HSD17B11: variants seen among roughly 807,000 people sequenced by gnomAD.
The protein encoded by HSD17B11 is hydroxysteroid 17-beta dehydrogenase 11, also known as estradiol 17-beta-dehydrogenase 11.
In HSD17B11, 22 loss-of-function variants were observed where a neutral mutation model predicts 27.8. The ratio of observed to expected loss-of-function variants is 0.79; its 90% CI spans 0.56 to 1.13. The LOEUF is 1.13. Ranked by LOEUF, HSD17B11 falls within the 50% of genes most tolerant of loss-of-function variation. HSD17B11 has a pLI of 0.00. For synonymous variants in HSD17B11, 117 were observed against 132.8 expected (o/e 0.88, Z 0.82); for missense variants, 314 against 351.1 (o/e 0.89, Z 0.84).
chr4:87,390,083 C>A (rs868016205), intron 1 of HSD17B11, among the ~76,000 whole-genome samples: 1 of 152,146 alleles, frequency 6.6e-6, no homozygotes, highest in African/African-American at 2.4e-5. Flanking sequence ...CTCAGCCTCC[C>A]GGAAAAGATG....
At chr4:87,384,948 G>C (rs1447642764) in intron 1 of HSD17B11, among the ~76,000 whole-genome samples, 2 of 152,020 alleles carry the variant, frequency 1.3e-5, no homozygotes, top group Non-Finnish European at 2.9e-5. Flanking sequence ...GTCACCCCCA[G>C]CGGCCCAGTT....
intron 1 of HSD17B11, among the ~76,000 whole-genome samples, chr4:87,387,813 T>G (rs949947066): frequency 5.9e-5 from 9 of 152,300 alleles, no homozygotes; most frequent in African/African-American, 2.2e-4. Flanking sequence ...TAATAAAAAC[T>G]CACTACATTG....
chr4:87,340,002 G>A (rs894072831), intron 6 of HSD17B11, among the ~76,000 whole-genome samples: 2 of 152,172 alleles, frequency 1.3e-5, no homozygotes, highest in African/African-American at 4.8e-5. Flanking sequence ...CAGGTAATGT[G>A]TGTAGTCCAA....
Position 87,370,975 on chromosome 4 carries a change from A to C in HSD17B11, c.557+1734T>G, listed in dbSNP as rs991818954. On this transcript the variant is annotated intron_variant, in intron 4 of 6. Transcript: ENST00000358290. Reference sequence around the variant, plus strand: ...CACCGTGTTAGCCAGGATGGTCTCGATCTCCTGACCTCGTGATCCGCCCGC... The same window carrying C: ...CACCGTGTTAGCCAGGATGGTCTCGCTCTCCTGACCTCGTGATCCGCCCGC... Among the ~76,000 whole-genome samples the C allele has an allele frequency of 1.6e-5, 2 of 127,926 alleles. 1 individual carries two copies. The highest frequency in any genetic ancestry group is 7.1e-5 in the African/African-American group (2 of 28,086). The allele number at this position is 127,926 out of a possible 152,430, so 83.9% of individuals were successfully genotyped here.
chr4:87,380,731 G>T (rs1260658648), intron 2 of HSD17B11, among the ~76,000 whole-genome samples: 1 of 150,036 alleles, frequency 6.7e-6, no homozygotes, highest in Non-Finnish European at 1.5e-5. Context: ...GGTGACGGGC[G>T]CCTGTAATCC....
chr4:87,380,810 A>G (rs1720136944), intron 2 of HSD17B11, among the ~76,000 whole-genome samples: 1 of 143,496 alleles, frequency 7.0e-6, no homozygotes, highest in South Asian at 2.3e-4. Context: ...GTGAGCCGAG[A>G]TCGCACCACT....
intron 4 of HSD17B11, among the ~76,000 whole-genome samples, 173 bp downstream of exon 4, chr4:87,372,536 T>C (rs938001703): frequency 2.0e-5 from 3 of 152,162 alleles, no homozygotes; most frequent in Non-Finnish European, 4.4e-5. Flanking sequence ...ATAATGCTGT[T>C]AGACAAGAGA....
intron 5 of HSD17B11, among the ~76,000 whole-genome samples, chr4:87,354,533 A>C (rs977065306): frequency 1.3e-5 from 2 of 151,698 alleles, no homozygotes; most frequent in Non-Finnish European, 2.9e-5. Flanking sequence ...GGTCCCAGGG[A>C]CTGGGGAGGC....
chr4:87,376,254 C>A (rs1264034176), intron 2 of HSD17B11, among the ~76,000 whole-genome samples: 1 of 151,990 alleles, frequency 6.6e-6, no homozygotes, highest in Admixed American at 6.6e-5. Context: ...GCCTCTAATC[C>A]CAGCATTTGG....
intron 2 of HSD17B11, among the ~76,000 whole-genome samples, chr4:87,376,099 T>C (rs751732112): frequency 1.3e-5 from 2 of 152,236 alleles, no homozygotes; most frequent in African/African-American, 2.4e-5. Flanking sequence ...GTACACACAG[T>C]AAACTGCTAT....
At chr4:87,345,977 G>A (rs1394823921) in intron 5 of HSD17B11, among the ~76,000 whole-genome samples, 1 of 152,158 alleles carries the variant, frequency 6.6e-6, no homozygotes, top group East Asian at 1.9e-4. Context: ...TAAAAACAGA[G>A]TAAGAGATCA....
intron 1 of HSD17B11, among the ~76,000 whole-genome samples, chr4:87,385,415 C>A (rs1305635411): frequency 6.6e-6 from 1 of 151,930 alleles, no homozygotes; most frequent in Non-Finnish European, 1.5e-5. Flanking sequence ...TTGCCAGGAC[C>A]TGGGGAGAGA....
intron 4 of HSD17B11, among the ~76,000 whole-genome samples, chr4:87,370,758 T>TA (rs761083914): frequency 0.23 from 18,205 of 78,704 alleles, 3,595 homozygotes; most frequent in East Asian, 0.44. Context: ...TATTATTATT[T>TA]TTTTTTTTTT....
At chr4:87,375,058 CTGGCTAATTTTT>C (rs1560767594) in intron 2 of HSD17B11, among the ~76,000 whole-genome samples, 13 of 152,098 alleles carry the variant, frequency 8.5e-5, no homozygotes, top group South Asian at 4.2e-4. Flanking sequence ...CACGCCACAC[CTGGCTAATTTTT>C]ATATTTTTAG....
intron 5 of HSD17B11, among the ~76,000 whole-genome samples, chr4:87,354,310 T>A (rs564927964): frequency 2.5e-4 from 38 of 151,806 alleles, no homozygotes; most frequent in South Asian, 1.5e-3. Flanking sequence ...ACTAAAAAAA[T>A]AATAATAATA....
At position 87,391,094 on chromosome 4, in the gene HSD17B11, G is replaced by T; in HGVS notation, c.-24C>A. On this transcript the variant is annotated 5_prime_UTR_variant, in exon 1 of 7. Coordinates refer to ENST00000358290, the MANE Select transcript of HSD17B11 (RefSeq NM_016245.5). ...ATCCCTTTTGTGGCTGCGAGCGTTT[G>T]GTGTGTTTTTTTTTTTTTTTACCAC... 2 of 1,526,490 alleles carry T rather than the reference G, an allele frequency of 1.3e-6. No homozygotes were observed. The highest frequency in any genetic ancestry group is 8.8e-7 in the Non-Finnish European group (1 of 1,137,982). 94.6% of individuals were successfully genotyped at this position (1,526,490 alleles called of 1,614,324 possible).
At chr4:87,368,682 G>A (rs549084397) in intron 4 of HSD17B11, among the ~76,000 whole-genome samples, 3 of 152,284 alleles carry the variant, frequency 2.0e-5, no homozygotes, top group East Asian at 3.9e-4. Context: ...ACAAAATACA[G>A]GTCATAAAGA....
At chr4:87,341,343 TG>T (rs1735163549) in intron 5 of HSD17B11, among the ~76,000 whole-genome samples, 1 of 152,132 alleles carries the variant, frequency 6.6e-6, no homozygotes, top group African/African-American at 2.4e-5. Flanking sequence ...GGCTATTTTT[TG>T]TATTTTTAGT....
rs73841140 is a variant in HSD17B11, at chr4:87,337,460, A to C, written c.813-94T>G. 12,994 of 717,476 alleles carry C rather than the reference A, an allele frequency of 0.018. 1,195 individuals are homozygous for C. In the African/African-American group the frequency reaches 0.21, roughly 11 times the overall value. 44.4% of individuals were successfully genotyped at this position (717,476 alleles called of 1,614,324 possible). Reference sequence around the variant, plus strand: ...GAAATACTTTTAAGTTATCATGTATAGTCATGTTCATGTTAAATAAGATTA... The same window carrying C: ...GAAATACTTTTAAGTTATCATGTATCGTCATGTTCATGTTAAATAAGATTA... On this transcript the variant is annotated intron_variant, in intron 6 of 6. Transcript: ENST00000358290.
Sources: allele counts gnomAD v4.1 joint callset (sites outside exome capture counted in the v4.1 genomes callset), GRCh38; gene constraint gnomAD v4.1.1; transcripts MANE v1.5; gene names NCBI Gene and HGNC (gene_info 2026-07-23, HGNC 2026-07-21).